Variants in CFAP47 observed in about 807,000 individuals in gnomAD.
CFAP47 encodes the protein cilia and flagella associated protein 47.
CFAP47 carries 29 observed loss-of-function variants against 148.1 expected under a neutral mutation model. The observed-to-expected ratio is 0.20, with a 90% CI of 0.15 to 0.27. The LOEUF (loss-of-function observed/expected upper bound fraction) is 0.27, where lower values mean the gene tolerates loss of function less well. CFAP47 is among the 10% of genes least tolerant of loss of function. The pLI is 1.00. For missense variants in CFAP47, 1,872 were observed against 1,697.5 expected (o/e 1.10, Z -1.81); for synonymous variants, 664 against 577.3 (o/e 1.15, Z -2.15).
chrX:36,305,575 C>A (rs1179430212), intron 54 of CFAP47, among the ~76,000 whole-genome samples: 1 of 110,883 alleles, frequency 9.0e-6, no homozygotes, highest in Non-Finnish European at 1.9e-5. Flanking sequence ...TAGAAAACAA[C>A]TCAAAAAGCT....
intron 39 of CFAP47, among the ~76,000 whole-genome samples, chrX:36,172,283 C>G (rs1223170580): frequency 9.7e-6 from 1 of 103,132 alleles, no homozygotes; most frequent in Non-Finnish European, 2.0e-5. Context: ...AATTGAATAC[C>G]CTTTATTTCC....
At position 36,108,790 on chromosome X, in the gene CFAP47, C is replaced by CT. The variant is rs796736969; in HGVS notation, c.5320+4114dup. ...TAAACTATTGATTGGCTGCTGCTTC[C>CT]TTTTTTTTTTTTTTTCACTTTTATT... is the stretch of plus-strand genomic sequence containing the variant. On this transcript the variant is annotated intron_variant, in intron 33 of 63. Coordinates refer to ENST00000378653, the MANE Select transcript of CFAP47 (RefSeq NM_001304548.2). Among the ~76,000 whole-genome samples the CT allele has an allele frequency of 2.7e-3, 257 of 93,994 alleles. No individual in the cohort carries two copies. The South Asian group carries it at 0.029, about 11-fold the overall frequency. The allele number at this position is 93,994 out of a possible 115,157, so 81.6% of individuals were successfully genotyped here. A position where few individuals can be genotyped will look rare whatever the true frequency, so the allele number is the denominator to read the frequency against.
chrX:35,995,063 A>C (rs1462306614), intron 18 of CFAP47, among the ~76,000 whole-genome samples: 1 of 111,662 alleles, frequency 9.0e-6, no homozygotes, highest in Non-Finnish European at 1.9e-5. Context: ...TCCCTAGGGG[A>C]AGGTATATCT....
intron 50 of CFAP47, among the ~76,000 whole-genome samples, chrX:36,282,084 A>T (rs1360235071): frequency 2.7e-5 from 3 of 111,619 alleles, no homozygotes; most frequent in Non-Finnish European, 5.7e-5. Context: ...GGAGATTGTA[A>T]CACTTAGCAA....
rs1414959797 is a variant in CFAP47 at position 36,169,380 on chromosome X, T to C, written c.6026+8611T>C. ...TTTTTTTTTTACCTCTTTCTCTCTCTTGTCTTTTGGAAATTCTCATTAGAC... is the reference window on the plus strand; with the variant it reads ...TTTTTTTTTTACCTCTTTCTCTCTCCTGTCTTTTGGAAATTCTCATTAGAC... On this transcript the variant is annotated intron_variant, in intron 39 of 63. Coordinates refer to ENST00000378653, the MANE Select transcript of CFAP47 (RefSeq NM_001304548.2). Among the ~76,000 whole-genome samples, 4 of 110,782 alleles carry C rather than the reference T, an allele frequency of 3.6e-5. No individual in the cohort carries two copies. In the Admixed American group the frequency reaches 3.8e-4, roughly 11 times the overall value.
chrX:36,027,405 G>A (rs897934139), intron 22 of CFAP47, among the ~76,000 whole-genome samples: 10 of 109,590 alleles, frequency 9.1e-5, no homozygotes, highest in African/African-American at 1.3e-4. Context: ...TGTCTCCATC[G>A]TTTACCTCCC....
At chrX:36,199,847 G>A (rs1281020474) in intron 42 of CFAP47, among the ~76,000 whole-genome samples, 2 of 111,003 alleles carry the variant, frequency 1.8e-5, no homozygotes, top group African/African-American at 6.6e-5. Flanking sequence ...TCTCTGGGAC[G>A]GATAATTAAA....
rs138910308 is a variant in CFAP47, at chrX:36,229,549, T to C, written c.7014+725T>C. 5.2e-3 allele frequency among the ~76,000 whole-genome samples: 583 copies of C among 111,702 alleles called. 1 individual carries two copies. The highest frequency in any genetic ancestry group is 0.018 in the African/African-American group (552 of 30,799). On this transcript the variant is annotated intron_variant, in intron 46 of 63. Transcript: ENST00000378653. ...TATTAGGCAATGCTCTTATGTGACA[T>C]AGAAAGAACATGTAGTCATCATTAT...
intron 5 of CFAP47, 99 bp from the exon 6 acceptor site, chrX:35,951,704 T>G: frequency 1.1e-6 from 1 of 877,357 alleles, no homozygotes; most frequent in Non-Finnish European, 1.5e-6. Flanking sequence ...TATTTGCTAT[T>G]TCCTAGATTC....
intron 21 of CFAP47, among the ~76,000 whole-genome samples, chrX:36,007,364 G>A (rs1936993415): frequency 8.9e-6 from 1 of 112,189 alleles, no homozygotes; most frequent in Admixed American, 9.5e-5. Context: ...TCATAAACAT[G>A]TCTGTCTACC....
rs1938891153 is a variant in CFAP47 at position 36,128,741 on chromosome X, T to A, written c.5321-9217T>A. Among the ~76,000 whole-genome samples, 6 of 110,232 alleles carry A rather than the reference T, an allele frequency of 5.4e-5. No individual in the cohort carries two copies. The South Asian group carries it at 2.2e-3, about 41-fold the overall frequency. ...TCTAGGAATTTTATGATGAATAATA[T>A]TGAATATATATATATTAATTTGTCA... On this transcript the variant is annotated intron_variant, in intron 33 of 63. Coordinates refer to ENST00000378653, the MANE Select transcript of CFAP47 (RefSeq NM_001304548.2).
At chrX:36,253,386 A>G (rs1940715082) in intron 49 of CFAP47, among the ~76,000 whole-genome samples, 1 of 111,545 alleles carries the variant, frequency 9.0e-6, no homozygotes, top group African/African-American at 3.3e-5. Context: ...ATTTTTATTG[A>G]TATTACTATT....
At chrX:36,152,389 C>T (rs188448721) in intron 37 of CFAP47, among the ~76,000 whole-genome samples, 15 of 111,817 alleles carry the variant, frequency 1.3e-4, no homozygotes, top group South Asian at 3.8e-4. Flanking sequence ...TCTTCATGTT[C>T]GTACCCTTTG....
At chrX:36,172,782 C>G (rs1034609342) in intron 39 of CFAP47, among the ~76,000 whole-genome samples, 1 of 111,098 alleles carries the variant, frequency 9.0e-6, no homozygotes, top group African/African-American at 3.3e-5. Flanking sequence ...TGTCTCTGCC[C>G]GGCTTTGGTA....
chrX:36,128,942 AT>A (rs199721010), intron 33 of CFAP47, among the ~76,000 whole-genome samples: 4 of 108,501 alleles, frequency 3.7e-5, no homozygotes, highest in African/African-American at 1.0e-4. Flanking sequence ...CTACCATTTT[AT>A]TTTTTTTAAT....
In CFAP47 at chrX:36,161,615, A is replaced by G. The variant is rs187180745; in HGVS notation, c.6026+846A>G. 7.4e-4 allele frequency among the ~76,000 whole-genome samples: 83 copies of G among 111,996 alleles called. 1 individual carries two copies. In the East Asian group the frequency reaches 0.022, roughly 29 times the overall value. On this transcript the variant is annotated intron_variant, in intron 39 of 63. Coordinates refer to ENST00000378653, the MANE Select transcript of CFAP47 (RefSeq NM_001304548.2). ...GGAAATGTACACCACGTTGAGGAAGACGACGGAAGGTGATACCTTCTGTGC... is the reference window on the plus strand; with the variant it reads ...GGAAATGTACACCACGTTGAGGAAGGCGACGGAAGGTGATACCTTCTGTGC...
chrX:36,135,523 A>G lies in CFAP47; in HGVS notation c.5321-2435A>G, dbSNP rs1415061169. ...ATCTTAAATGAATTTCACTAAGTAA[A>G]AGAAGCCAAAACAACAAGACCCCAC... On this transcript the variant is annotated intron_variant, in intron 33 of 63. Transcript: ENST00000378653. 4.5e-5 allele frequency among the ~76,000 whole-genome samples: 5 copies of G among 111,705 alleles called. No individual in the cohort carries two copies. In the Admixed American group the frequency reaches 4.8e-4, roughly 11 times the overall value.
At chrX:35,965,124 TTTG>T (rs1196580382) in intron 8 of CFAP47, among the ~76,000 whole-genome samples, 2 of 111,516 alleles carry the variant, frequency 1.8e-5, no homozygotes, top group African/African-American at 3.2e-5. Context: ...TTGTTGCTTT[TTTG>T]TTGTTGTTTT....
chrX:36,073,428 AT>A, intron 29 of CFAP47, 64 bp downstream of exon 29: 1 of 711,436 alleles, frequency 1.4e-6, no homozygotes, highest in Admixed American at 3.0e-5. Flanking sequence ...TAATCTATTG[AT>A]TGAGATTATT....
Sources: gnomAD v4.1 joint callset for allele counts (sites outside exome capture counted in the v4.1 genomes callset) on GRCh38, gnomAD v4.1.1 for gene constraint, MANE v1.5 for transcripts, NCBI Gene and HGNC (gene_info 2026-07-23, HGNC 2026-07-21) for gene names.